GNA12: variants seen among roughly 807,000 people sequenced by gnomAD.
GNA12 encodes guanine nucleotide-binding protein subunit alpha-12.
Under a neutral mutation model 26.0 loss-of-function variants are expected in GNA12, and 9 were observed. That is an observed-to-expected ratio of 0.35 (90% CI 0.21 to 0.60). The LOEUF (loss-of-function observed/expected upper bound fraction) is 0.60. Ranked by LOEUF, GNA12 falls within the 20% of genes least tolerant of loss-of-function variation. GNA12 has a pLI of 0.78. For missense variants in GNA12, 405 were observed against 525.8 expected (o/e 0.77, Z 2.25); for synonymous variants, 264 against 219.6 (o/e 1.20, Z -1.79).
rs188995637 is a variant in GNA12 at position 2,793,070 on chromosome 7, C to A, written c.525+1858G>T. Among the ~76,000 whole-genome samples, 14 of 152,196 alleles carry A rather than the reference C, an allele frequency of 9.2e-5. No homozygotes were observed. The East Asian group carries it at 2.7e-3, about 29-fold the overall frequency. On this transcript the variant is annotated intron_variant, in intron 2 of 3. Transcript: ENST00000275364. The stretch of plus-strand genomic sequence containing the variant: ...CAACGGCACGCCTGCGGTTTCTGTG[C>A]CAAAAAAATGCATCCCCTCATCCTG...
At chr7:2,842,102 G>GAA (rs1779009305) in intron 1 of GNA12, among the ~76,000 whole-genome samples, 1 of 84,564 alleles carries the variant, frequency 1.2e-5, no homozygotes, top group Non-Finnish European at 2.9e-5. Flanking sequence ...AGGAAGGAAA[G>GAA]GAAGGAAGGG....
chr7:2,817,362 C>G (rs914794494), intron 1 of GNA12, among the ~76,000 whole-genome samples: 3 of 152,194 alleles, frequency 2.0e-5, no homozygotes, highest in Non-Finnish European at 2.9e-5. Flanking sequence ...CCACCCCTGC[C>G]TCGGCCTCCC....
chr7:2,782,615 G>C (rs1327795975), intron 2 of GNA12, among the ~76,000 whole-genome samples: 4 of 151,510 alleles, frequency 2.6e-5, no homozygotes, highest in Admixed American at 2.6e-4. Flanking sequence ...TTTCCTCTTT[G>C]TGTTTGGTTT....
At position 2,798,963 on chromosome 7, in the gene GNA12, C is replaced by T. The variant is rs1453527938; in HGVS notation, c.310-3820G>A. Reference sequence around the variant, plus strand: ...CACAGGTAAAGAAAATTGGGGGGAGCGGGGGAGGGGGTGGGGAAGAACCTT... The same window carrying T: ...CACAGGTAAAGAAAATTGGGGGGAGTGGGGGAGGGGGTGGGGAAGAACCTT... On this transcript the variant is annotated intron_variant, in intron 1 of 3. Transcript: ENST00000275364. Among the ~76,000 whole-genome samples, 6 of 77,488 alleles carry T rather than the reference C, an allele frequency of 7.7e-5. No individual in the cohort carries two copies. The East Asian group carries it at 1.4e-3, about 18-fold the overall frequency. 50.8% of individuals were successfully genotyped at this position (77,488 alleles called of 152,430 possible).
chr7:2,749,100 T>TG (rs1562403680), intron 2 of GNA12, among the ~76,000 whole-genome samples: 2 of 152,212 alleles, frequency 1.3e-5, no homozygotes, highest in Non-Finnish European at 2.9e-5. Flanking sequence ...GAAGTCAGTG[T>TG]GGCGATTCCT....
chr7:2,745,721 T>A (rs1464664111), intron 2 of GNA12, among the ~76,000 whole-genome samples: 1 of 152,180 alleles, frequency 6.6e-6, no homozygotes, highest in Non-Finnish European at 1.5e-5. Flanking sequence ...AGACACAGAC[T>A]GGCAAATTGG....
intron 2 of GNA12, among the ~76,000 whole-genome samples, chr7:2,789,700 G>A (rs998148555): frequency 2.6e-5 from 4 of 152,200 alleles, no homozygotes; most frequent in African/African-American, 9.6e-5. Context: ...CAGGGATCCA[G>A]AGTTCATCCA....
At chr7:2,797,056 C>T (rs1252478529) in intron 1 of GNA12, among the ~76,000 whole-genome samples, 1 of 152,204 alleles carries the variant, frequency 6.6e-6, no homozygotes, top group Non-Finnish European at 1.5e-5. Context: ...CTTCTCATCT[C>T]AGAGCAATCT....
intron 2 of GNA12, among the ~76,000 whole-genome samples, chr7:2,761,569 T>G (rs1791557424): frequency 6.6e-6 from 1 of 152,244 alleles, no homozygotes; most frequent in South Asian, 2.1e-4. Flanking sequence ...CTACCTCATC[T>G]ACCGAATTCC....
At chr7:2,818,221 G>C (rs2115492083) in intron 1 of GNA12, among the ~76,000 whole-genome samples, 1 of 152,288 alleles carries the variant, frequency 6.6e-6, no homozygotes, top group South Asian at 2.1e-4. Flanking sequence ...ATAGAACAAA[G>C]TTTGTTTACC....
At chr7:2,762,427 C>T in intron 2 of GNA12, 1 of 493,166 alleles carries the variant, frequency 2.0e-6, no homozygotes, top group Non-Finnish European at 3.6e-6. Flanking sequence ...TTAACTTGGC[C>T]AAGGGCAAAA....
At chr7:2,843,603 C>G (rs1326102546) in intron 1 of GNA12, among the ~76,000 whole-genome samples, 2 of 151,562 alleles carry the variant, frequency 1.3e-5, no homozygotes, top group East Asian at 3.9e-4. Context: ...GCTGTGAGGG[C>G]GCCACTGCAC....
chr7:2,773,882 A>T (rs1359183606), intron 2 of GNA12, among the ~76,000 whole-genome samples: 3 of 152,182 alleles, frequency 2.0e-5, no homozygotes, highest in Non-Finnish European at 4.4e-5. Context: ...CATCACCAGG[A>T]GGGCAGGGAA....
chr7:2,728,484 AAG>A lies in GNA12; in HGVS notation c.*2695_*2696del, dbSNP rs1789722865. On this transcript the variant is annotated 3_prime_UTR_variant, in exon 4 of 4. Transcript: ENST00000275364. ...CTTGAAACAATTTCTCTACGAACAT[AAG>A]AGTTAAAAATAGATTTCAGTAAAAC... 6.6e-6 allele frequency: 1 copy of A among 152,390 alleles called. No individual in the cohort carries two copies. The highest frequency in any genetic ancestry group is 2.4e-5 in the African/African-American group (1 of 41,448). 9.4% of individuals were successfully genotyped at this position (152,390 alleles called of 1,614,324 possible).
rs892693577 is a variant in GNA12, at chr7:2,728,681, C to T, written c.*2500G>A. The T allele has an allele frequency of 2.0e-5, 3 of 152,346 alleles. No homozygotes were observed. The highest frequency in any genetic ancestry group is 4.8e-5 in the African/African-American group (2 of 41,390). 9.4% of individuals were successfully genotyped at this position (152,346 alleles called of 1,614,324 possible). On this transcript the variant is annotated 3_prime_UTR_variant, in exon 4 of 4. Coordinates refer to ENST00000275364, the MANE Select transcript of GNA12 (RefSeq NM_007353.3). ...ACAGTGAAATTAAAATTAAAAAATA[C>T]AAAAGCCTAAGGTTCTGGAGACAAA...
At chr7:2,755,267 C>A (rs1040267006) in intron 2 of GNA12, among the ~76,000 whole-genome samples, 5 of 152,180 alleles carry the variant, frequency 3.3e-5, no homozygotes, top group African/African-American at 1.2e-4. Context: ...ATACATTTTA[C>A]AATAATCACA....
chr7:2,842,110 G>GGAAGAAGAAGAAAAGGAA (rs1554264371), intron 1 of GNA12, among the ~76,000 whole-genome samples: 2 of 145,362 alleles, frequency 1.4e-5, no homozygotes, highest in African/African-American at 5.3e-5. Context: ...AAGGAAGGAA[G>GGAAGAAGAAGAAAAGGAA]GGAAGGGAGG....
chr7:2,746,978 G>C (rs1399207678), intron 2 of GNA12, among the ~76,000 whole-genome samples: 2 of 152,152 alleles, frequency 1.3e-5, no homozygotes, highest in Non-Finnish European at 2.9e-5. Context: ...GGAAGAAGTT[G>C]AATCTCTGAA....
chr7:2,801,872 C>T (rs749451641), intron 1 of GNA12, among the ~76,000 whole-genome samples: 4 of 152,114 alleles, frequency 2.6e-5, no homozygotes, highest in Admixed American at 6.5e-5. Context: ...TAGAGAGAGA[C>T]GTAAGCTCTC....
Sources: allele counts gnomAD v4.1 joint callset (sites outside exome capture counted in the v4.1 genomes callset), GRCh38; gene constraint gnomAD v4.1.1; transcripts MANE v1.5; gene names NCBI Gene and HGNC (gene_info 2026-07-23, HGNC 2026-07-21).